PABPC1: variants seen among roughly 807,000 people sequenced by gnomAD.
The protein encoded by PABPC1 is poly(A) binding protein cytoplasmic 1, also known as polyadenylate-binding protein 1.
A neutral mutation model predicts 74.0 loss-of-function variants in PABPC1; 4 were observed. The observed-to-expected ratio is 0.05, with a 90% CI of 0.03 to 0.12. The LOEUF is 0.12. PABPC1 is among the 10% of genes least tolerant of loss of function. PABPC1 has a pLI of 1.00. For synonymous variants in PABPC1, 227 were observed against 264.1 expected, an observed-to-expected ratio of 0.86 and a Z score of 1.36; for missense variants, 271 against 821.1, an observed-to-expected ratio of 0.33 and a Z score of 8.19.
At position 100,706,813 on chromosome 8, in the gene PABPC1, A is replaced by G; in HGVS notation, c.1448-8T>C. The G allele has an allele frequency of 1.7e-6, 2 of 1,145,692 alleles. No individual in the cohort carries two copies. Among genetic ancestry groups the G allele is most frequent in the Non-Finnish European group, 2.2e-6 (2 of 902,196 alleles). The allele number at this position is 1,145,692 out of a possible 1,614,324, so 71.0% of individuals were successfully genotyped here. On this transcript the variant is annotated splice_polypyrimidine_tract_variant and splice_region_variant and intron_variant, in intron 10 of 14. Transcript: ENST00000318607. ...TCTGTGTTGATGTGTTAGCTAAAAAATAAGAACATTTTGTATTTTTATCTT... is the reference window on the plus strand; with the variant it reads ...TCTGTGTTGATGTGTTAGCTAAAAAGTAAGAACATTTTGTATTTTTATCTT...
intron 4 of PABPC1, among the ~76,000 whole-genome samples, chr8:100,714,787 T>C (rs1587161560): frequency 6.6e-6 from 1 of 151,928 alleles, no homozygotes; most frequent in Non-Finnish European, 1.5e-5. Flanking sequence ...GCAAGACACC[T>C]CTAAGTTCAA....
In PABPC1 at chr8:100,721,618, A is replaced by G. The variant is rs1810834372; in HGVS notation, c.-35T>C. ...GCTGCCCGCAGGGCCACAGGCCGCG[A>G]CCTTTCCGTGAGAGGAGGAGAGCGA... On this transcript the variant is annotated 5_prime_UTR_variant, in exon 1 of 15. Transcript: ENST00000318607. This position sits in a 1 kb window ranked among gnomAD's most constrained non-coding sequence, Gnocchi z 7.4. 7.0e-7 allele frequency: 1 copy of G among 1,431,332 alleles called. No homozygotes were observed. Among genetic ancestry groups the G allele is most frequent in the Admixed American group, 2.1e-5 (1 of 47,382 alleles). The allele number at this position is 1,431,332 out of a possible 1,614,324, so 88.7% of individuals were successfully genotyped here.
intron 7 of PABPC1, among the ~76,000 whole-genome samples, chr8:100,710,245 G>C (rs1323888943): frequency 2.0e-5 from 3 of 152,104 alleles, no homozygotes; most frequent in Admixed American, 2.0e-4. Context: ...ACGGTATAAA[G>C]AACACTCAAG....
intron 4 of PABPC1, among the ~76,000 whole-genome samples, chr8:100,714,318 G>A (rs912647021): frequency 3.3e-5 from 5 of 152,166 alleles, no homozygotes; most frequent in Admixed American, 3.3e-4. Context: ...CTAAATTTGG[G>A]GGTTGAGATG....
Position 100,721,331 on chromosome 8 carries a change from C to T in PABPC1, c.193+60G>A. On this transcript the variant is annotated intron_variant, in intron 1 of 14. Coordinates refer to ENST00000318607, the MANE Select transcript of PABPC1 (RefSeq NM_002568.4). This position sits in a 1 kb window ranked among gnomAD's most constrained non-coding sequence, Gnocchi z 7.4. ...GCCCGCCGGCCTACCCCGCCCGCCG[C>T]CGCCGCCCGAGCCTCATGGCCGCCC... The T allele has an allele frequency of 9.7e-7, 1 of 1,029,836 alleles. No individual in the cohort carries two copies. The highest frequency in any genetic ancestry group is 1.2e-6 in the Non-Finnish European group (1 of 821,210). 63.8% of individuals were successfully genotyped at this position (1,029,836 alleles called of 1,614,324 possible).
Position 100,705,614 on chromosome 8 carries a change from A to C in PABPC1, c.1662T>G (p.Pro554=). Residue 554 remains proline (P), a synonymous_variant, in exon 12 of 15, where the codon CCT becomes CCG. Coordinates refer to ENST00000318607, the MANE Select transcript of PABPC1 (RefSeq NM_002568.4). ...CCAACATTTGCTTTTGCTCTTGAGG[A>C]GGGGCAGATGCCAACATGGAAGCAG... The part of the protein sequence containing the change: ...PLTASMLASA[P]PQEQKQMLGE... 2 of 1,613,736 alleles carry C rather than the reference A, an allele frequency of 1.2e-6. No homozygotes were observed. Among genetic ancestry groups the C allele is most frequent in the Admixed American group, 1.7e-5 (1 of 60,020 alleles).
chr8:100,715,375 A>C (rs1010057956), intron 4 of PABPC1, 87 bp downstream of exon 4: 25 of 1,205,978 alleles, frequency 2.1e-5, no homozygotes, highest in South Asian at 2.1e-4. Flanking sequence ...AATTTTATTG[A>C]CTTTTTTAGT....
chr8:100,705,564 G>A (rs1386563004), intron 12 of PABPC1, 25 bp downstream of exon 12: 2 of 1,342,398 alleles, frequency 1.5e-6, no homozygotes, highest in Non-Finnish European at 2.1e-6. Flanking sequence ...TTTCTGAACT[G>A]ACAAGGTGGG....
In PABPC1 at chr8:100,705,717, G is replaced by A. The variant is rs1046973327; in HGVS notation, c.1603-44C>T. On this transcript the variant is annotated intron_variant, in intron 11 of 14. Coordinates refer to ENST00000318607, the MANE Select transcript of PABPC1 (RefSeq NM_002568.4). Reference sequence around the variant, plus strand: ...CTCTTAAGTTTAAAGCACAGAAAAAGATGGCAAATACAAATAGTCATCAAT... The same window carrying A: ...CTCTTAAGTTTAAAGCACAGAAAAAAATGGCAAATACAAATAGTCATCAAT... 4.7e-6 allele frequency: 6 copies of A among 1,280,376 alleles called. No homozygotes were observed. In the Admixed American group the frequency reaches 1.1e-4, roughly 23 times the overall value. 79.3% of individuals were successfully genotyped at this position (1,280,376 alleles called of 1,614,324 possible). A position where few individuals can be genotyped will look rare whatever the true frequency, so the allele number is the denominator to read the frequency against.
intron 7 of PABPC1, 105 bp downstream of exon 7, chr8:100,712,257 G>A (rs1169722344): frequency 4.6e-6 from 3 of 647,846 alleles, no homozygotes; most frequent in East Asian, 2.7e-5. Flanking sequence ...AAGTAACGAA[G>A]CAAACACCTC....
intron 2 of PABPC1, 40 bp from the exon 3 acceptor site, chr8:100,717,928 T>C (rs747640070): frequency 6.8e-7 from 1 of 1,464,870 alleles, no homozygotes; most frequent in Non-Finnish European, 9.6e-7. Context: ...TATTTGCTAT[T>C]GATTTAACAT....
chr8:100,713,954 G>A (rs1208889025), intron 4 of PABPC1, among the ~76,000 whole-genome samples: 1 of 152,152 alleles, frequency 6.6e-6, no homozygotes, highest in African/African-American at 2.4e-5. Context: ...AGACACAGGT[G>A]AACTACCTGG....
At chr8:100,704,586 C>T (rs1810332746) in intron 13 of PABPC1, among the ~76,000 whole-genome samples, 196 bp from the exon 14 acceptor site, 1 of 152,214 alleles carries the variant, frequency 6.6e-6, no homozygotes, top group South Asian at 2.1e-4. Flanking sequence ...AATCGCTCCC[C>T]TGCACTACTC....
intron 9 of PABPC1, 125 bp from the exon 10 acceptor site, chr8:100,707,122 G>C (rs1810400946): frequency 4.7e-6 from 3 of 644,472 alleles, no homozygotes; most frequent in Admixed American, 5.5e-5. Flanking sequence ...TTTTAAAGCT[G>C]AGTCTTAACA....
chr8:100,710,807 C>T (rs977393792), intron 7 of PABPC1, among the ~76,000 whole-genome samples: 3 of 151,734 alleles, frequency 2.0e-5, no homozygotes, highest in African/African-American at 7.3e-5. Context: ...GCCAACGTGG[C>T]GAAACCCCGT....
chr8:100,720,921 A>T (rs1007933056), intron 1 of PABPC1, among the ~76,000 whole-genome samples: 6 of 152,160 alleles, frequency 3.9e-5, no homozygotes, highest in African/African-American at 1.4e-4. Flanking sequence ...CGGGCCTGCG[A>T]GGTTACAGGG....
chr8:100,709,389 G>T, intron 8 of PABPC1, 70 bp downstream of exon 8: 2 of 1,570,386 alleles, frequency 1.3e-6, no homozygotes, highest in African/African-American at 1.4e-5. Context: ...GCGGGGCGAG[G>T]GGCACAAAAA....
chr8:100,706,398 ATCC>A lies in PABPC1; in HGVS notation c.1602+250_1602+252del, dbSNP rs1283885452. 2.0e-5 allele frequency among the ~76,000 whole-genome samples: 3 copies of A among 152,174 alleles called. No homozygotes were observed. The East Asian group carries it at 5.8e-4, about 29-fold the overall frequency. Reference sequence around the variant, plus strand: ...AGCCTTAAACTCCTGGGCTCGAGCAATCCTCCTGCCTCAGCCTTCCTAGCAGCT... The same window carrying A: ...AGCCTTAAACTCCTGGGCTCGAGCAATCCTGCCTCAGCCTTCCTAGCAGCT... On this transcript the variant is annotated intron_variant, in intron 11 of 14. Transcript: ENST00000318607.
intron 3 of PABPC1, 60 bp downstream of exon 3, chr8:100,717,713 G>T: frequency 1.0e-6 from 1 of 991,786 alleles, no homozygotes; most frequent in South Asian, 1.5e-5. Context: ...TAAAATGAAT[G>T]GATTTGGAAT....
Sources: allele counts gnomAD v4.1 joint callset (sites outside exome capture counted in the v4.1 genomes callset), GRCh38; gene constraint gnomAD v4.1.1; non-coding constraint Gnocchi (gnomAD v3.1); transcripts MANE v1.5; gene names NCBI Gene and HGNC (gene_info 2026-07-23, HGNC 2026-07-21).